Variants in KIRREL3 observed in about 807,000 individuals in gnomAD.
The protein encoded by KIRREL3 is kin of IRRE-like protein 3.
KIRREL3 carries 36 observed loss-of-function variants against 89.7 expected under a neutral mutation model. The ratio of observed to expected loss-of-function variants is 0.40; its 90% CI spans 0.31 to 0.53. The LOEUF (loss-of-function observed/expected upper bound fraction) is 0.53. KIRREL3 is among the 20% of genes least tolerant of loss of function. KIRREL3 has a pLI of 0.49. For synonymous variants in KIRREL3, 445 were observed against 441.4 expected, an observed-to-expected ratio of 1.01 and a Z score of -0.10; for missense variants, 864 against 1,056.6, an observed-to-expected ratio of 0.82 and a Z score of 2.53.
chr11:126,618,134 C>A (rs1029383509), intron 1 of KIRREL3, among the ~76,000 whole-genome samples: 4 of 152,226 alleles, frequency 2.6e-5, no homozygotes, highest in Admixed American at 6.5e-5. Flanking sequence ...ACTCCCCTCT[C>A]CTCCTGCTCT....
In KIRREL3 at chr11:126,635,107, C is replaced by T. The variant is rs1294139541; in HGVS notation, c.56-72195G>A. On this transcript the variant is annotated intron_variant, in intron 1 of 16. Coordinates refer to ENST00000525144, the MANE Select transcript of KIRREL3 (RefSeq NM_032531.4). The surrounding 1 kb of genome is among the most constrained non-coding windows in gnomAD (Gnocchi z 4.0). ...GAACACTTTTTCTTTTAAGGATTGA[C>T]CTTTTGCTCAATGAGCAGGATTGAA... Among the ~76,000 whole-genome samples, 1 of 152,208 alleles carries T rather than the reference C, an allele frequency of 6.6e-6. No individual in the cohort carries two copies. The highest frequency in any genetic ancestry group is 1.5e-5 in the Non-Finnish European group (1 of 68,044).
rs1354648988 is a variant in KIRREL3 at position 126,795,318 on chromosome 11, G to C, written c.55+205137C>G. 6.6e-6 allele frequency among the ~76,000 whole-genome samples: 1 copy of C among 152,140 alleles called. No individual in the cohort carries two copies. Among genetic ancestry groups the C allele is most frequent in the African/African-American group, 2.4e-5 (1 of 41,430 alleles). ...CTAATGCAAGATGCTAATAATGGGGGAAACTCAGGGCAGAGGTTGGGAGGG... is the reference window on the plus strand; with the variant it reads ...CTAATGCAAGATGCTAATAATGGGGCAAACTCAGGGCAGAGGTTGGGAGGG... On this transcript the variant is annotated intron_variant, in intron 1 of 16. Coordinates refer to ENST00000525144, the MANE Select transcript of KIRREL3 (RefSeq NM_032531.4). The surrounding 1 kb of genome is among the most constrained non-coding windows in gnomAD (Gnocchi z 4.1).
rs200844192 is a variant in KIRREL3 at position 126,989,488 on chromosome 11, CAT to C, written c.55+10965_55+10966del. 8.1e-3 allele frequency among the ~76,000 whole-genome samples: 1,235 copies of C among 152,288 alleles called. 9 individuals carry two copies. The highest frequency in any genetic ancestry group is 0.012 in the Non-Finnish European group (850 of 68,016). ...AAACTGAATGAAAGGCCAAAGGTAA[CAT>C]AAACCGCCAGCTCTACCAACCACTC... On this transcript the variant is annotated intron_variant, in intron 1 of 16. Transcript: ENST00000525144. The surrounding 1 kb of genome is among the most constrained non-coding windows in gnomAD (Gnocchi z 6.2).
intron 1 of KIRREL3, among the ~76,000 whole-genome samples, chr11:126,925,798 T>G (rs1221284283): frequency 6.6e-6 from 1 of 152,180 alleles, no homozygotes; most frequent in African/African-American, 2.4e-5. Flanking sequence ...ACAGCCTCCC[T>G]ACCAGCCCAG....
intron 1 of KIRREL3, among the ~76,000 whole-genome samples, chr11:126,960,381 T>G (rs1366207066): frequency 6.6e-6 from 1 of 152,176 alleles, no homozygotes; most frequent in African/African-American, 2.4e-5. Flanking sequence ...CCGAGGACAC[T>G]GAACCAAACG....
chr11:126,815,304 C>T (rs1592166229), intron 1 of KIRREL3, among the ~76,000 whole-genome samples: 1 of 152,112 alleles, frequency 6.6e-6, no homozygotes, highest in African/African-American at 2.4e-5. Context: ...AAGGAAGGGG[C>T]AAGCCTAGTG....
intron 1 of KIRREL3, among the ~76,000 whole-genome samples, chr11:126,925,530 C>A (rs1489895812): frequency 6.6e-6 from 1 of 152,200 alleles, no homozygotes; most frequent in Non-Finnish European, 1.5e-5. Flanking sequence ...GAGGGCTGAG[C>A]AGGAGAGCAG....
Position 126,498,519 on chromosome 11 carries a change from T to C in KIRREL3, c.433+22796A>G, listed in dbSNP as rs1957747219. The stretch of plus-strand genomic sequence containing the variant: ...GCAGCGAGAGATAATTATAATCAGA[T>C]CTAATTAGTAATTATAAAAGATCCC... On this transcript the variant is annotated intron_variant, in intron 4 of 16. Coordinates refer to ENST00000525144, the MANE Select transcript of KIRREL3 (RefSeq NM_032531.4). This position sits in a 1 kb window ranked among gnomAD's most constrained non-coding sequence, Gnocchi z 4.3. 1.3e-5 allele frequency among the ~76,000 whole-genome samples: 2 copies of C among 152,168 alleles called. No homozygotes were observed. The highest frequency in any genetic ancestry group is 4.1e-4 in the South Asian group (2 of 4,830).
intron 1 of KIRREL3, among the ~76,000 whole-genome samples, chr11:126,701,379 G>A (rs1947308026): frequency 6.6e-6 from 1 of 152,064 alleles, no homozygotes; most frequent in Admixed American, 6.6e-5. Flanking sequence ...GGTGAGAGAG[G>A]GAGTGGGGAC....
chr11:126,712,874 G>A (rs3862636), intron 1 of KIRREL3, among the ~76,000 whole-genome samples: 6,744 of 152,304 alleles, frequency 0.044, 189 homozygotes, highest in Non-Finnish European at 0.06. Context: ...CAGTTTAGGT[G>A]TCCAAGGCTT....
chr11:126,840,218 A>C (rs1677325091), intron 1 of KIRREL3, among the ~76,000 whole-genome samples: 1 of 152,182 alleles, frequency 6.6e-6, no homozygotes, highest in Non-Finnish European at 1.5e-5. Flanking sequence ...TGCATATTTC[A>C]ACTCTAGAAC....
intron 1 of KIRREL3, among the ~76,000 whole-genome samples, chr11:126,794,736 G>A (rs1045996438): frequency 2.0e-5 from 3 of 152,182 alleles, no homozygotes; most frequent in Non-Finnish European, 2.9e-5. Flanking sequence ...TCTGACAATC[G>A]TGCTGCTAGG....
At chr11:126,674,493 T>C (rs1473423281) in intron 1 of KIRREL3, among the ~76,000 whole-genome samples, 3 of 152,198 alleles carry the variant, frequency 2.0e-5, no homozygotes, top group East Asian at 1.9e-4. Flanking sequence ...AGATAGAGCA[T>C]CCAACAACAG....
intron 4 of KIRREL3, among the ~76,000 whole-genome samples, chr11:126,480,585 G>C (rs1188912345): frequency 6.6e-6 from 1 of 152,230 alleles, no homozygotes; most frequent in Non-Finnish European, 1.5e-5. Context: ...GCAGCTCCCA[G>C]ACTATCCCTG....
intron 5 of KIRREL3, among the ~76,000 whole-genome samples, chr11:126,466,440 C>T (rs756470829): frequency 2.1e-4 from 32 of 152,242 alleles, no homozygotes; most frequent in Non-Finnish European, 3.2e-4. Context: ...TGCTGCAGGA[C>T]GACTGAGGGG....
rs369207399 is a variant in KIRREL3 at position 126,526,639 on chromosome 11, G to A, written c.182C>T (p.Ser61Leu). 5.0e-6 allele frequency: 8 copies of A among 1,587,624 alleles called. No homozygotes were observed. Among genetic ancestry groups the A allele is most frequent in the South Asian group, 3.5e-5 (3 of 86,858 alleles). Residue 61 changes from serine (S) to leucine (L), a missense_variant, in exon 3 of 17, where the codon TCG (serine) becomes TTG (leucine). Ser to Leu is a moderately radical substitution (Grantham distance 145). Transcript: ENST00000525144. This position sits in a 1 kb window ranked among gnomAD's most constrained non-coding sequence, Gnocchi z 5.7. ...SQQPQDQVVV[S>L]GQPVTLLCAI... ...GCAAAGTAGCGTCACTGGCTGTCCCGACACCACCACCTGGTCCTGGGGCTG... is the reference window on the plus strand; with the variant it reads ...GCAAAGTAGCGTCACTGGCTGTCCCAACACCACCACCTGGTCCTGGGGCTG...
chr11:126,691,751 CTTGT>C (rs1048490712), intron 1 of KIRREL3, among the ~76,000 whole-genome samples: 4 of 152,166 alleles, frequency 2.6e-5, no homozygotes, highest in African/African-American at 9.6e-5. Flanking sequence ...CTCTAGTTTT[CTTGT>C]TTGTTTGGTA....
At position 126,697,642 on chromosome 11, in the gene KIRREL3, C is replaced by T. The variant is rs947710304; in HGVS notation, c.56-134730G>A. 6.6e-6 allele frequency among the ~76,000 whole-genome samples: 1 copy of T among 152,214 alleles called. No homozygotes were observed. ...AGAAGATTTAGACCAACCCTAATAA[C>T]CTGAACTCATGTAAAAGTGGCTCTT... On this transcript the variant is annotated intron_variant, in intron 1 of 16. Transcript: ENST00000525144. The surrounding 1 kb of genome is among the most constrained non-coding windows in gnomAD (Gnocchi z 4.2).
At chr11:126,960,416 T>C (rs949606954) in intron 1 of KIRREL3, among the ~76,000 whole-genome samples, 2 of 152,096 alleles carry the variant, frequency 1.3e-5, no homozygotes, top group African/African-American at 4.8e-5. Flanking sequence ...AGGCCCTAGG[T>C]TATATTTAAA....
Sources: allele counts gnomAD v4.1 joint callset (sites outside exome capture counted in the v4.1 genomes callset), GRCh38; gene constraint gnomAD v4.1.1; non-coding constraint Gnocchi (gnomAD v3.1); transcripts MANE v1.5; gene names NCBI Gene and HGNC (gene_info 2026-07-23, HGNC 2026-07-21).